Variants in CELSR1 observed in about 807,000 individuals in gnomAD.
CELSR1 encodes adhesion G protein-coupled receptor C1.
A neutral mutation model predicts 249.1 loss-of-function variants in CELSR1; 110 were observed. The ratio of observed to expected loss-of-function variants is 0.44; its 90% CI spans 0.38 to 0.52. The LOEUF (loss-of-function observed/expected upper bound fraction) is 0.52. Among genes scored for constraint, CELSR1 ranks in the 20% least tolerant of loss-of-function variants. CELSR1 has a pLI of 0.00. For synonymous variants in CELSR1, 2,113 were observed against 1,900.0 expected (o/e 1.11, Z -2.92); for missense variants, 4,109 against 4,296.4 (o/e 0.96, Z 1.22).
chr22:46,407,070 A>G lies in CELSR1; in HGVS notation c.5226+1926T>C, dbSNP rs1481255800. 6.6e-6 allele frequency among the ~76,000 whole-genome samples: 1 copy of G among 152,158 alleles called. No individual in the cohort carries two copies. The highest frequency in any genetic ancestry group is 1.5e-5 in the Non-Finnish European group (1 of 68,026). On this transcript the variant is annotated intron_variant, in intron 9 of 34. Coordinates refer to ENST00000674500, the MANE Select transcript of CELSR1 (RefSeq NM_001378328.1). This position sits in a 1 kb window ranked among gnomAD's most constrained non-coding sequence, Gnocchi z 4.8. ...CGTGTGGCCGACCCCAAGGCAGGAGAGGAGGCTAACCTAAGGGCAGCATCT... is the reference window on the plus strand; with the variant it reads ...CGTGTGGCCGACCCCAAGGCAGGAGGGGAGGCTAACCTAAGGGCAGCATCT...
rs774291575 is a variant in CELSR1 at position 46,409,645 on chromosome 22, A to C, written c.5059+110T>G. 3.4e-5 allele frequency: 45 copies of C among 1,323,786 alleles called. No individual in the cohort carries two copies. Among genetic ancestry groups the C allele is most frequent in the Non-Finnish European group, 4.6e-5 (43 of 942,678 alleles). The allele number at this position is 1,323,786 out of a possible 1,614,324, so 82.0% of individuals were successfully genotyped here. A position where few individuals can be genotyped will look rare whatever the true frequency, so the allele number is the denominator to read the frequency against. On this transcript the variant is annotated intron_variant, in intron 8 of 34. Coordinates refer to ENST00000674500, the MANE Select transcript of CELSR1 (RefSeq NM_001378328.1). The surrounding 1 kb of genome is among the most constrained non-coding windows in gnomAD (Gnocchi z 9.8). ...CAGTAAATGCAGCATATACCACCAG[A>C]GGCTGCCGGACCTGGATGTGAAGCC...
At chr22:46,492,549 C>A (rs2080377422) in intron 1 of CELSR1, among the ~76,000 whole-genome samples, 1 of 152,132 alleles carries the variant, frequency 6.6e-6, no homozygotes, top group African/African-American at 2.4e-5. Flanking sequence ...TGGGGCCAGG[C>A]GCAGTGGCTC....
At chr22:46,420,992 G>T (rs115966737) in intron 5 of CELSR1, among the ~76,000 whole-genome samples, 222 of 152,278 alleles carry the variant, frequency 1.5e-3, no homozygotes, top group African/African-American at 4.7e-3. Context: ...GCGGATACAC[G>T]GGTGGGTGAG....
At chr22:46,394,975 C>T (rs113906062) in intron 13 of CELSR1, among the ~76,000 whole-genome samples, 2 of 152,340 alleles carry the variant, frequency 1.3e-5, no homozygotes, top group African/African-American at 2.4e-5. Context: ...CACCTGAAGG[C>T]CCACCTGCCT....
rs2079681718 is a variant in CELSR1, at chr22:46,437,774, G to A, written c.4406+1415C>T. ...TCTCAAAAAAAAAAAAAAAACTGAT[G>A]GTTCCCAACTGTCGCCCAAACCCCC... On this transcript the variant is annotated intron_variant, in intron 3 of 34. Transcript: ENST00000674500. This position sits in a 1 kb window ranked among gnomAD's most constrained non-coding sequence, Gnocchi z 4.9. 2.0e-5 allele frequency among the ~76,000 whole-genome samples: 3 copies of A among 151,076 alleles called. No individual in the cohort carries two copies. The South Asian group carries it at 6.2e-4, about 31-fold the overall frequency.
At chr22:46,452,411 C>G (rs1162507903) in intron 2 of CELSR1, among the ~76,000 whole-genome samples, 1 of 152,162 alleles carries the variant, frequency 6.6e-6, no homozygotes, top group African/African-American at 2.4e-5. Flanking sequence ...CTCGGGAAGT[C>G]CTGGTTGCCA....
Position 46,430,592 on chromosome 22 carries a change from G to A in CELSR1, c.4611+2801C>T, listed in dbSNP as rs941646952. ...GGTCCCCTCCCACCCTGAGCCTGTC[G>A]TCTTCCCCAAAACCTTCCCTGGTGG... On this transcript the variant is annotated intron_variant, in intron 5 of 34. Coordinates refer to ENST00000674500, the MANE Select transcript of CELSR1 (RefSeq NM_001378328.1). The surrounding 1 kb of genome is among the most constrained non-coding windows in gnomAD (Gnocchi z 4.6). Among the ~76,000 whole-genome samples, 5 of 152,074 alleles carry A rather than the reference G, an allele frequency of 3.3e-5. No individual in the cohort carries two copies. Among genetic ancestry groups the A allele is most frequent in the Non-Finnish European group, 5.9e-5 (4 of 68,002 alleles).
At chr22:46,520,262 C>T (rs1457819649) in intron 1 of CELSR1, among the ~76,000 whole-genome samples, 1 of 152,088 alleles carries the variant, frequency 6.6e-6, no homozygotes, top group African/African-American at 2.4e-5. Flanking sequence ...AGAAGGAGGC[C>T]CTGGATGGCC....
chr22:46,397,575 G>C, intron 12 of CELSR1, 99 bp downstream of exon 12: 3 of 1,140,532 alleles, frequency 2.6e-6, no homozygotes, highest in Non-Finnish European at 3.5e-6. Flanking sequence ...ACCACAGGGA[G>C]TTGGCTGGGG....
chr22:46,384,938 G>GCAC (rs1569122397), intron 19 of CELSR1, among the ~76,000 whole-genome samples: 1 of 151,366 alleles, frequency 6.6e-6, no homozygotes, highest in Non-Finnish European at 1.5e-5. Context: ...TTACAGGCAG[G>GCAC]CACCACCACG....
rs183813311 is a variant in CELSR1 at position 46,374,837 on chromosome 22, C to T, written c.7585-1780G>A. On this transcript the variant is annotated intron_variant, in intron 24 of 34. Coordinates refer to ENST00000674500, the MANE Select transcript of CELSR1 (RefSeq NM_001378328.1). The surrounding 1 kb of genome is among the most constrained non-coding windows in gnomAD (Gnocchi z 4.3). The stretch of plus-strand genomic sequence containing the variant: ...CCCGGCTGCGGATGTGAAGAAACCC[C>T]TCCGCAGGAGCAGCGACCCTGCCAT... Among the ~76,000 whole-genome samples, 143 of 152,238 alleles carry T rather than the reference C, an allele frequency of 9.4e-4. 1 individual carries two copies. Among genetic ancestry groups the T allele is most frequent in the Admixed American group, 2.3e-3 (35 of 15,290 alleles).
At chr22:46,463,629 C>T in intron 2 of CELSR1, 78 bp downstream of exon 2, 1 of 1,407,650 alleles carries the variant, frequency 7.1e-7, no homozygotes, top group Non-Finnish European at 9.3e-7. Flanking sequence ...GGGAAGTAAA[C>T]AGAGGAAACC....
In CELSR1 at chr22:46,380,687, G is replaced by A. The variant is rs1354744406; in HGVS notation, c.7256+101C>T. 1.5e-6 allele frequency: 2 copies of A among 1,373,500 alleles called. No individual in the cohort carries two copies. Among genetic ancestry groups the A allele is most frequent in the Non-Finnish European group, 2.0e-6 (2 of 1,001,456 alleles). The allele number at this position is 1,373,500 out of a possible 1,614,324, so 85.1% of individuals were successfully genotyped here. ...CTTAAAGGGGAAACACAGACCACAAGAGACCGTCCTCTTGGGGCGCTCTGC... is the reference window on the plus strand; with the variant it reads ...CTTAAAGGGGAAACACAGACCACAAAAGACCGTCCTCTTGGGGCGCTCTGC... On this transcript the variant is annotated intron_variant, in intron 22 of 34. Transcript: ENST00000674500. The surrounding 1 kb of genome is among the most constrained non-coding windows in gnomAD (Gnocchi z 5.1).
At position 46,535,232 on chromosome 22, in the gene CELSR1, G is replaced by C; in HGVS notation, c.1939C>G (p.Arg647Gly). ...AAGCTGTAGTGCTCCACCTCCTCGCGGTCCAGCTCGGCACACACTGTGATC... is the reference window on the plus strand; with the variant it reads ...AAGCTGTAGTGCTCCACCTCCTCGCCGTCCAGCTCGGCACACACTGTGATC... ...GWITVCAELDREEVEHYSFGV... is the reference protein window; with the variant it reads ...GWITVCAELDGEEVEHYSFGV... Residue 647 changes from arginine to glycine, a missense_variant, in exon 1 of 35, where the codon CGC (arginine) becomes GGC (glycine). Arg to Gly is a moderately radical substitution (Grantham distance 125). Coordinates refer to ENST00000674500, the MANE Select transcript of CELSR1 (RefSeq NM_001378328.1). 6.2e-7 allele frequency: 1 copy of C among 1,609,668 alleles called. No individual in the cohort carries two copies. The highest frequency in any genetic ancestry group is 8.5e-7 in the Non-Finnish European group (1 of 1,179,978).
Position 46,381,925 on chromosome 22 carries a change from C to A in CELSR1, c.7009G>T (p.Ala2337Ser). 1 of 1,571,702 alleles carries A rather than the reference C, an allele frequency of 6.4e-7. No individual in the cohort carries two copies. The highest frequency in any genetic ancestry group is 8.6e-7 in the Non-Finnish European group (1 of 1,160,558). Residue 2337 changes from alanine to serine, a missense_variant, in exon 21 of 35, where the codon GCC becomes TCC. Physicochemically the swap from Ala to Ser is moderately conservative, Grantham distance 99 (BLOSUM62 1). Coordinates refer to ENST00000674500, the MANE Select transcript of CELSR1 (RefSeq NM_001378328.1). The surrounding 1 kb of genome is among the most constrained non-coding windows in gnomAD (Gnocchi z 6.0). ...CGGTAAATGATGACCAGAGCGACGG[C>A]GAACTGGCCAGCGTCATCAGGGTGT... is the stretch of plus-strand genomic sequence containing the variant. Reference protein sequence around the residue: ...RRHPDDAGQFAVALVIIYRTL... With the variant: ...RRHPDDAGQFSVALVIIYRTL...
chr22:46,373,178 C>G lies in CELSR1; in HGVS notation c.7585-121G>C, dbSNP rs530825697. 1,343 of 1,056,318 alleles carry G rather than the reference C, an allele frequency of 1.3e-3. 1 individual carries two copies. The highest frequency in any genetic ancestry group is 1.6e-3 in the Non-Finnish European group (1,233 of 759,908). The allele number at this position is 1,056,318 out of a possible 1,614,324, so 65.4% of individuals were successfully genotyped here. ...TCGGACCACCCTATGTGTCTGTCCT[C>G]AGCTGAGCAGGGCTACATGTCTGGC... On this transcript the variant is annotated intron_variant, in intron 24 of 34. Coordinates refer to ENST00000674500, the MANE Select transcript of CELSR1 (RefSeq NM_001378328.1).
rs2079343333 is a variant in CELSR1, at chr22:46,412,051, A to AGGGCCCT, written c.4612-293_4612-292insAGGGCCC. Among the ~76,000 whole-genome samples the AGGGCCCT allele has an allele frequency of 6.6e-6, 1 of 152,212 alleles. No individual in the cohort carries two copies. Among genetic ancestry groups the AGGGCCCT allele is most frequent in the East Asian group, 1.9e-4 (1 of 5,176 alleles). On this transcript the variant is annotated intron_variant, in intron 5 of 34. Coordinates refer to ENST00000674500, the MANE Select transcript of CELSR1 (RefSeq NM_001378328.1). The surrounding 1 kb of genome is among the most constrained non-coding windows in gnomAD (Gnocchi z 4.5). ...CCTGGAGTAGGCGGGCCCTGATCCA[A>AGGGCCCT]GATGACTGGTGTCCTCTTAAGAGGA...
At chr22:46,522,778 G>C (rs941948298) in intron 1 of CELSR1, among the ~76,000 whole-genome samples, 3 of 152,212 alleles carry the variant, frequency 2.0e-5, no homozygotes, top group Non-Finnish European at 4.4e-5. Flanking sequence ...CCAGGGGATG[G>C]CCATTCCACC....
At chr22:46,397,584 G>A in intron 12 of CELSR1, 90 bp downstream of exon 12, 7 of 1,217,882 alleles carry the variant, frequency 5.7e-6, no homozygotes, top group Non-Finnish European at 7.6e-6. Flanking sequence ...AGTTGGCTGG[G>A]GACGCTAATG....
Sources: gnomAD v4.1 joint callset for allele counts (sites outside exome capture counted in the v4.1 genomes callset) on GRCh38, gnomAD v4.1.1 for gene constraint, Gnocchi (gnomAD v3.1) non-coding constraint, MANE v1.5 for transcripts, NCBI Gene and HGNC (gene_info 2026-07-23, HGNC 2026-07-21) for gene names.